ASTN2: variants seen among roughly 807,000 people sequenced by gnomAD.
ASTN2 encodes astrotactin-2.
ASTN2 carries 54 observed loss-of-function variants against 139.8 expected under a neutral mutation model. That is an observed-to-expected ratio of 0.39 (90% CI 0.31 to 0.48). The LOEUF (loss-of-function observed/expected upper bound fraction) is 0.48, where lower values mean the gene tolerates loss of function less well. Ranked by LOEUF, ASTN2 falls within the 20% of genes least tolerant of loss-of-function variation. ASTN2 has a pLI of 0.95. For synonymous variants in ASTN2, 756 were observed against 719.5 expected (o/e 1.05, Z -0.81); for missense variants, 1,565 against 1,725.1 (o/e 0.91, Z 1.64).
intron 22 of ASTN2, among the ~76,000 whole-genome samples, chr9:116,426,930 C>T (rs369570196): frequency 1.3e-5 from 2 of 152,098 alleles, no homozygotes; most frequent in Non-Finnish European, 2.9e-5. Flanking sequence ...TGCTGGAATG[C>T]GCCCTCAGGA....
At chr9:117,325,689 A>G (rs1317912672) in intron 1 of ASTN2, among the ~76,000 whole-genome samples, 1 of 152,174 alleles carries the variant, frequency 6.6e-6, no homozygotes, top group Non-Finnish European at 1.5e-5. Flanking sequence ...TGTTGTCAAG[A>G]TAATGCCACT....
chr9:116,709,879 T>C (rs1828099228), intron 16 of ASTN2, among the ~76,000 whole-genome samples: 1 of 152,176 alleles, frequency 6.6e-6, no homozygotes, highest in Admixed American at 6.5e-5. Context: ...GCAGGCCTCA[T>C]AGAAAGCCAT....
intron 13 of ASTN2, among the ~76,000 whole-genome samples, chr9:116,757,769 G>T (rs969578893): frequency 1.6e-4 from 25 of 152,260 alleles, no homozygotes; most frequent in African/African-American, 5.8e-4. Flanking sequence ...AACATAGAAG[G>T]TGTCCAGTAA....
At chr9:116,654,951 A>G (rs1858122567) in intron 16 of ASTN2, among the ~76,000 whole-genome samples, 1 of 152,238 alleles carries the variant, frequency 6.6e-6, no homozygotes, top group Non-Finnish European at 1.5e-5. Flanking sequence ...ATAAATCTTC[A>G]GCTTTTTAAA....
chr9:117,322,640 C>A (rs898181721), intron 1 of ASTN2, among the ~76,000 whole-genome samples: 1 of 152,136 alleles, frequency 6.6e-6, no homozygotes. Context: ...AAAGACAGAG[C>A]CCTCTGCCTT....
intron 19 of ASTN2, among the ~76,000 whole-genome samples, chr9:116,557,924 T>C (rs1379220946): frequency 6.6e-6 from 1 of 152,202 alleles, no homozygotes; most frequent in Admixed American, 6.5e-5. Context: ...CACTGCCCAG[T>C]TCTAAGAGAC....
intron 1 of ASTN2, among the ~76,000 whole-genome samples, chr9:117,296,089 C>A (rs187620768): frequency 6.6e-6 from 1 of 151,552 alleles, no homozygotes; most frequent in Non-Finnish European, 1.5e-5. Context: ...ACCAGCCAGG[C>A]CAATATGGTG....
intron 19 of ASTN2, among the ~76,000 whole-genome samples, chr9:116,529,383 G>T (rs1269591097): frequency 6.6e-6 from 1 of 152,132 alleles, no homozygotes; most frequent in East Asian, 1.9e-4. Context: ...TCTCCCATTT[G>T]TAATGAGGGC....
At chr9:117,138,297 G>A (rs1829998562) in intron 4 of ASTN2, among the ~76,000 whole-genome samples, 2 of 152,116 alleles carry the variant, frequency 1.3e-5, no homozygotes, top group Non-Finnish European at 2.9e-5. Context: ...GTTTTTAGGA[G>A]CTGACATTTG....
At chr9:116,846,541 C>A (rs549642450) in intron 11 of ASTN2, among the ~76,000 whole-genome samples, 1 of 152,146 alleles carries the variant, frequency 6.6e-6, no homozygotes, top group East Asian at 1.9e-4. Flanking sequence ...TGACAGCATG[C>A]TACTGCGTGG....
intron 4 of ASTN2, among the ~76,000 whole-genome samples, chr9:117,112,728 C>T (rs767281757): frequency 2.0e-5 from 3 of 151,764 alleles, no homozygotes; most frequent in Non-Finnish European, 4.4e-5. Context: ...AAACAAAATG[C>T]ATAAATCATA....
At chr9:116,761,615 A>G (rs1361489899) in intron 13 of ASTN2, among the ~76,000 whole-genome samples, 1 of 152,180 alleles carries the variant, frequency 6.6e-6, no homozygotes, top group Non-Finnish European at 1.5e-5. Context: ...CAGGGAACTC[A>G]GGGAACTACA....
Position 116,697,984 on chromosome 9 carries a change from C to T in ASTN2, c.2806+27787G>A. 1 of 1,614,222 alleles carries T rather than the reference C, an allele frequency of 6.2e-7. No homozygotes were observed. Among genetic ancestry groups the T allele is most frequent in the Non-Finnish European group, 8.5e-7 (1 of 1,180,048 alleles). ...TTGACCCAGCTGACAGACAATCTGA[C>T]AGTGCTAAAGATCATTGATACAGCT... On this transcript the variant is annotated intron_variant, in intron 16 of 22. Coordinates refer to ENST00000313400, the MANE Select transcript of ASTN2 (RefSeq NM_001365068.1).
chr9:117,381,994 G>A (rs1490172158), intron 1 of ASTN2, among the ~76,000 whole-genome samples: 1 of 152,138 alleles, frequency 6.6e-6, no homozygotes, highest in Non-Finnish European at 1.5e-5. Context: ...TGGAGTGCTG[G>A]GAGCAAGAGA....
intron 20 of ASTN2, among the ~76,000 whole-genome samples, chr9:116,484,784 G>A (rs543341010): frequency 1.3e-5 from 2 of 152,230 alleles, no homozygotes; most frequent in South Asian, 4.1e-4. Context: ...ATTTTAAGAG[G>A]TGGAAAGGAG....
rs149070065 is a variant in ASTN2, at chr9:116,867,945, C to T, written c.1890-4212G>A. Among the ~76,000 whole-genome samples, 528 of 152,284 alleles carry T rather than the reference C, an allele frequency of 3.5e-3. 2 individuals are homozygous for T. Among genetic ancestry groups the T allele is most frequent in the African/African-American group, 0.012 (501 of 41,564 alleles). On this transcript the variant is annotated intron_variant, in intron 10 of 22. Transcript: ENST00000313400. The stretch of plus-strand genomic sequence containing the variant: ...TTCTTAACTCGGGGGCTCAATCCTT[C>T]ATCTCACTTGCGGAGCCCAGGGTTT...
intron 16 of ASTN2, among the ~76,000 whole-genome samples, chr9:116,719,668 A>G (rs1828417845): frequency 6.6e-6 from 1 of 152,130 alleles, no homozygotes; most frequent in Non-Finnish European, 1.5e-5. Context: ...ATTACAACAG[A>G]GATCATGACC....
At chr9:117,362,335 T>C (rs1312146345) in intron 1 of ASTN2, among the ~76,000 whole-genome samples, 1 of 151,894 alleles carries the variant, frequency 6.6e-6, no homozygotes, top group Non-Finnish European at 1.5e-5. Context: ...CTCTGTCCCA[T>C]ACTAAACCAT....
intron 4 of ASTN2, among the ~76,000 whole-genome samples, chr9:117,106,796 A>G (rs1034305784): frequency 1.4e-5 from 2 of 146,736 alleles, no homozygotes; most frequent in East Asian, 2.2e-4. Context: ...CTATCTGTCT[A>G]TCTATCTATC....
Sources: gnomAD v4.1 joint callset for allele counts (sites outside exome capture counted in the v4.1 genomes callset) on GRCh38, gnomAD v4.1.1 for gene constraint, MANE v1.5 for transcripts, NCBI Gene and HGNC (gene_info 2026-07-23, HGNC 2026-07-21) for gene names.